The following PTPRD variants were observed in gnomAD, a reference collection of about 807,000 sequenced individuals.
The protein encoded by PTPRD is protein tyrosine phosphatase receptor type D.
A neutral mutation model predicts 214.5 loss-of-function variants in PTPRD; 34 were observed. The ratio of observed to expected loss-of-function variants is 0.16; its 90% CI spans 0.12 to 0.21. The LOEUF is 0.21. Among genes scored for constraint, PTPRD ranks in the 10% least tolerant of loss-of-function variants. PTPRD has a pLI of 1.00. For synonymous variants in PTPRD, 1,128 were observed against 845.7 expected, an observed-to-expected ratio of 1.33 and a Z score of -5.79; for missense variants, 2,545 against 2,398.7, an observed-to-expected ratio of 1.06 and a Z score of -1.27.
chr9:9,838,258 A>G (rs2057371720), intron 5 of PTPRD, among the ~76,000 whole-genome samples: 1 of 152,140 alleles, frequency 6.6e-6, no homozygotes. Context: ...TAGCAGCATG[A>G]TTTGTAGTCC....
intron 3 of PTPRD, among the ~76,000 whole-genome samples, chr9:10,210,682 T>C (rs2099511650): frequency 6.7e-6 from 1 of 149,198 alleles, no homozygotes; most frequent in South Asian, 2.1e-4. Context: ...TATATGTTTA[T>C]ATATATTTCC....
intron 5 of PTPRD, among the ~76,000 whole-genome samples, chr9:9,843,452 T>C (rs575073549): frequency 6.6e-6 from 1 of 152,058 alleles, no homozygotes; most frequent in Non-Finnish European, 1.5e-5. Flanking sequence ...AAGTTACTTA[T>C]ATACTCTAAA....
At chr9:10,490,952 A>G (rs1253404182) in intron 2 of PTPRD, among the ~76,000 whole-genome samples, 3 of 152,138 alleles carry the variant, frequency 2.0e-5, no homozygotes, top group Admixed American at 6.6e-5. Context: ...GCATTTCTCT[A>G]TCTTAATACT....
intron 3 of PTPRD, among the ~76,000 whole-genome samples, chr9:10,225,223 T>C (rs2099584961): frequency 1.3e-5 from 2 of 151,892 alleles, no homozygotes; most frequent in Admixed American, 1.3e-4. Flanking sequence ...TAAAAAGATA[T>C]TTTATTTTAA....
At chr9:9,387,025 G>A (rs759493477) in intron 9 of PTPRD, among the ~76,000 whole-genome samples, 1 of 152,180 alleles carries the variant, frequency 6.6e-6, no homozygotes, top group East Asian at 1.9e-4. Flanking sequence ...CGCTCAGAGG[G>A]ACTTTGATGT....
chr9:9,416,012 A>T (rs931747372), intron 8 of PTPRD, among the ~76,000 whole-genome samples: 8 of 152,190 alleles, frequency 5.3e-5, no homozygotes, highest in African/African-American at 1.9e-4. Flanking sequence ...AAATGTTTTT[A>T]AAAAACAAAC....
At chr9:9,341,242 C>G (rs917790870) in intron 9 of PTPRD, among the ~76,000 whole-genome samples, 1 of 152,062 alleles carries the variant, frequency 6.6e-6, no homozygotes, top group Non-Finnish European at 1.5e-5. Context: ...CTTTCAGCTG[C>G]TCTATTTAAC....
intron 3 of PTPRD, among the ~76,000 whole-genome samples, chr9:10,240,118 T>A (rs1456786112): frequency 1.3e-5 from 2 of 152,096 alleles, no homozygotes; most frequent in Non-Finnish European, 1.5e-5. Context: ...ATTATATACT[T>A]TTTGTATAAT....
rs184012413 is a variant in PTPRD at position 10,210,132 on chromosome 9, C to T, written c.-545+130831G>A. 3.3e-5 allele frequency among the ~76,000 whole-genome samples: 5 copies of T among 152,172 alleles called. No individual in the cohort carries two copies. In the East Asian group the frequency reaches 9.7e-4, roughly 29 times the overall value. On this transcript the variant is annotated intron_variant, in intron 3 of 45. Coordinates refer to ENST00000381196, the MANE Select transcript of PTPRD (RefSeq NM_002839.4). ...AATTAAAAAAATTTCAACTGAATTACCAATTCATGTGACCTTTATGCCAGC... is the reference window on the plus strand; with the variant it reads ...AATTAAAAAAATTTCAACTGAATTATCAATTCATGTGACCTTTATGCCAGC...
At chr9:9,350,788 CATT>C (rs2050798769) in intron 9 of PTPRD, among the ~76,000 whole-genome samples, 1 of 151,946 alleles carries the variant, frequency 6.6e-6, no homozygotes, top group Non-Finnish European at 1.5e-5. Context: ...ATTAAACAGA[CATT>C]ATTAACTTAA....
chr9:9,301,623 C>A (rs559239121), intron 9 of PTPRD, among the ~76,000 whole-genome samples: 1 of 151,870 alleles, frequency 6.6e-6, no homozygotes, highest in Non-Finnish European at 1.5e-5. Flanking sequence ...ATTGCTTTTA[C>A]TGAAGCCGAC....
chr9:9,146,394 G>GCC (rs1367063584), intron 10 of PTPRD, among the ~76,000 whole-genome samples: 2 of 152,036 alleles, frequency 1.3e-5, no homozygotes, highest in Non-Finnish European at 2.9e-5. Context: ...AAAATTTGGG[G>GCC]CCCTAGACTT....
chr9:8,854,956 C>G (rs1229123368), intron 11 of PTPRD, among the ~76,000 whole-genome samples: 2 of 152,050 alleles, frequency 1.3e-5, no homozygotes, highest in African/African-American at 4.8e-5. Context: ...GAATTTGCAC[C>G]AATACCTTTT....
chr9:10,028,990 C>G (rs1217006), intron 4 of PTPRD, among the ~76,000 whole-genome samples: 13 of 151,906 alleles, frequency 8.6e-5, no homozygotes, highest in African/African-American at 2.7e-4. Flanking sequence ...GGCTGTGTGC[C>G]GCCTAGGGAC....
chr9:9,236,002 G>A (rs2099966437), intron 9 of PTPRD, among the ~76,000 whole-genome samples: 1 of 152,124 alleles, frequency 6.6e-6, no homozygotes, highest in African/African-American at 2.4e-5. Flanking sequence ...GGTGTCTCAT[G>A]CCTGTAATCC....
At chr9:10,344,500 C>T (rs1170878767) in intron 2 of PTPRD, among the ~76,000 whole-genome samples, 1 of 152,078 alleles carries the variant, frequency 6.6e-6, no homozygotes, top group Non-Finnish European at 1.5e-5. Context: ...TTAGGATTGT[C>T]TTGGCAATGT....
chr9:9,155,294 T>C (rs12351371), intron 10 of PTPRD, among the ~76,000 whole-genome samples: 49,114 of 151,970 alleles, frequency 0.32, 8,602 homozygotes, highest in Non-Finnish European at 0.4. Context: ...TCTTTGTACA[T>C]GAATTGGATC....
chr9:9,226,668 C>T lies in PTPRD; in HGVS notation c.-202-43305G>A, dbSNP rs1193833812. Among the ~76,000 whole-genome samples the T allele has an allele frequency of 3.9e-5, 6 of 152,056 alleles. No homozygotes were observed. The East Asian group carries it at 1.2e-3, about 29-fold the overall frequency. ...TTGGGTAAACAGTTGGAATGAGCCA[C>T]AGTTTCCTTATCTTAGGAGATAAGT... is the stretch of plus-strand genomic sequence containing the variant. On this transcript the variant is annotated intron_variant, in intron 9 of 45. Transcript: ENST00000381196.
chr9:9,116,039 T>C (rs924371898), intron 10 of PTPRD, among the ~76,000 whole-genome samples: 3 of 151,922 alleles, frequency 2.0e-5, no homozygotes, highest in African/African-American at 7.3e-5. Context: ...GACATGAAGA[T>C]GGGAACAACA....
Sources: gnomAD v4.1 joint callset for allele counts (sites outside exome capture counted in the v4.1 genomes callset) on GRCh38, gnomAD v4.1.1 for gene constraint, MANE v1.5 for transcripts, NCBI Gene and HGNC (gene_info 2026-07-23, HGNC 2026-07-21) for gene names.